The following MVB12B variants were observed in gnomAD, a reference collection of about 807,000 sequenced individuals.
MVB12B encodes multivesicular body subunit 12B.
Under a neutral mutation model 41.6 loss-of-function variants are expected in MVB12B, and 16 were observed. The observed-to-expected ratio is 0.38, with a 90% CI of 0.26 to 0.58. The LOEUF (loss-of-function observed/expected upper bound fraction) is 0.58. MVB12B is among the 20% of genes least tolerant of loss of function. MVB12B has a pLI of 0.62. For missense variants in MVB12B, 274 were observed against 380.2 expected (o/e 0.72, Z 2.32); for synonymous variants, 133 against 139.7 (o/e 0.95, Z 0.34).
intron 1 of MVB12B, among the ~76,000 whole-genome samples, chr9:126,336,968 G>T (rs1829301097): frequency 6.6e-6 from 1 of 152,246 alleles, no homozygotes. Context: ...TCAAGGTCCA[G>T]TCTGAGTCCC....
chr9:126,454,053 G>GCCA (rs1456552571), intron 7 of MVB12B, among the ~76,000 whole-genome samples: 8 of 152,344 alleles, frequency 5.3e-5, no homozygotes, highest in South Asian at 4.1e-4. Context: ...CAGAGTCAGT[G>GCCA]CCACCACCAC....
intron 2 of MVB12B, 28 bp from the exon 3 acceptor site, chr9:126,381,036 A>G (rs917777): frequency 0.61 from 969,548 of 1,594,682 alleles, 297,931 homozygotes; most frequent in African/African-American, 0.79. Flanking sequence ...CCTTACCTGC[A>G]ATCCTTTTCT....
At chr9:126,330,144 C>A (rs912006206) in intron 1 of MVB12B, among the ~76,000 whole-genome samples, 1 of 152,058 alleles carries the variant, frequency 6.6e-6, no homozygotes, top group Non-Finnish European at 1.5e-5. Context: ...ACGCTTCTGG[C>A]GAGATGCAGA....
In MVB12B at chr9:126,409,177, A is replaced by G. The variant is rs199680815; in HGVS notation, c.663-12677A>G. Among the ~76,000 whole-genome samples the G allele has an allele frequency of 7.2e-5, 11 of 152,238 alleles. No individual in the cohort carries two copies. The East Asian group carries it at 1.9e-3, about 27-fold the overall frequency. ...TTAAATTTTAGAATGCTGATTGAAG[A>G]GGCCTGGGTTTTGGTTTTCCTTTGA... On this transcript the variant is annotated intron_variant, in intron 6 of 9. Coordinates refer to ENST00000361171, the MANE Select transcript of MVB12B (RefSeq NM_033446.3).
intron 2 of MVB12B, among the ~76,000 whole-genome samples, chr9:126,378,346 A>C (rs560908759): frequency 6.6e-6 from 1 of 152,304 alleles, no homozygotes; most frequent in East Asian, 1.9e-4. Flanking sequence ...AATTTAGGTT[A>C]TTAGGCACCT....
chr9:126,493,297 G>C (rs1833771951), intron 9 of MVB12B, among the ~76,000 whole-genome samples: 1 of 152,070 alleles, frequency 6.6e-6, no homozygotes, highest in Admixed American at 6.5e-5. Context: ...ACATTAGCCG[G>C]TTTTCTTAAT....
intron 7 of MVB12B, among the ~76,000 whole-genome samples, chr9:126,449,981 G>A (rs1333602492): frequency 6.6e-6 from 1 of 152,210 alleles, no homozygotes; most frequent in East Asian, 1.9e-4. Context: ...TTCCGTAGTA[G>A]GCTTTCTCAC....
intron 7 of MVB12B, among the ~76,000 whole-genome samples, chr9:126,435,504 G>A (rs1222400068): frequency 6.6e-6 from 1 of 152,134 alleles, no homozygotes; most frequent in African/African-American, 2.4e-5. Flanking sequence ...AATTTTCCAT[G>A]TTCCTTTTCA....
At chr9:126,489,047 G>A (rs768673034) in intron 9 of MVB12B, among the ~76,000 whole-genome samples, 22 of 152,228 alleles carry the variant, frequency 1.4e-4, no homozygotes, top group Admixed American at 2.6e-4. Flanking sequence ...CAAACAGGGT[G>A]TCACTTGGTT....
chr9:126,489,674 C>G (rs1019886832), intron 9 of MVB12B, among the ~76,000 whole-genome samples: 20 of 152,300 alleles, frequency 1.3e-4, no homozygotes, highest in African/African-American at 4.3e-4. Context: ...CTGCTGGCTC[C>G]CCATGACAGA....
At chr9:126,335,978 C>T (rs1055520963) in intron 1 of MVB12B, among the ~76,000 whole-genome samples, 3 of 152,274 alleles carry the variant, frequency 2.0e-5, no homozygotes, top group Non-Finnish European at 4.4e-5. Flanking sequence ...TGAGCAGCAG[C>T]GCTGGCTGGC....
At chr9:126,393,324 T>C (rs905759062) in intron 5 of MVB12B, among the ~76,000 whole-genome samples, 2 of 152,234 alleles carry the variant, frequency 1.3e-5, no homozygotes, top group African/African-American at 4.8e-5. Context: ...CTGGCTCCGG[T>C]GCTGGGCTCT....
At chr9:126,498,195 A>T (rs967620389) in intron 9 of MVB12B, among the ~76,000 whole-genome samples, 3 of 152,222 alleles carry the variant, frequency 2.0e-5, no homozygotes, top group Non-Finnish European at 4.4e-5. Context: ...TTTTAGAAAC[A>T]GGAAGAGCCT....
chr9:126,393,599 C>T (rs928148603), intron 5 of MVB12B, among the ~76,000 whole-genome samples: 4 of 152,222 alleles, frequency 2.6e-5, no homozygotes, highest in African/African-American at 4.8e-5. Context: ...GGACAAACCA[C>T]GACTGGTGCT....
At chr9:126,401,825 C>G (rs1271407837) in intron 6 of MVB12B, among the ~76,000 whole-genome samples, 1 of 151,826 alleles carries the variant, frequency 6.6e-6, no homozygotes, top group Non-Finnish European at 1.5e-5. Flanking sequence ...CAGAGTAAGT[C>G]AGCAGTTGGG....
At chr9:126,374,135 C>T (rs1830416540) in intron 2 of MVB12B, among the ~76,000 whole-genome samples, 1 of 152,244 alleles carries the variant, frequency 6.6e-6, no homozygotes, top group South Asian at 2.1e-4. Context: ...TCATCTCCCA[C>T]TCTTACCTTT....
intron 9 of MVB12B, among the ~76,000 whole-genome samples, chr9:126,488,034 C>T (rs761761340): frequency 3.3e-5 from 5 of 152,166 alleles, no homozygotes; most frequent in African/African-American, 4.8e-5. Context: ...CTTCCGCAGC[C>T]GTGGCAAAGG....
chr9:126,348,061 CG>C (rs1362229361), intron 2 of MVB12B, among the ~76,000 whole-genome samples: 1 of 152,214 alleles, frequency 6.6e-6, no homozygotes, highest in African/African-American at 2.4e-5. Context: ...GCTTTGCTAT[CG>C]TGGGGCTACT....
Position 126,340,736 on chromosome 9 carries a change from T to G in MVB12B, c.204+106T>G. The G allele has an allele frequency of 2.9e-6, 4 of 1,356,652 alleles. No homozygotes were observed. The South Asian group carries it at 5.4e-5, about 18-fold the overall frequency. The allele number at this position is 1,356,652 out of a possible 1,614,324, so 84.0% of individuals were successfully genotyped here. On this transcript the variant is annotated intron_variant, in intron 2 of 9. Coordinates refer to ENST00000361171, the MANE Select transcript of MVB12B (RefSeq NM_033446.3). The surrounding 1 kb of genome is among the most constrained non-coding windows in gnomAD (Gnocchi z 4.0). ...TTGCGTGTAAGATGTGCTTCTTCCC[T>G]CTAGGAACTTAATCCAGGGAGGGCG...
Sources: gnomAD v4.1 joint callset for allele counts (sites outside exome capture counted in the v4.1 genomes callset) on GRCh38, gnomAD v4.1.1 for gene constraint, Gnocchi (gnomAD v3.1) non-coding constraint, MANE v1.5 for transcripts, NCBI Gene and HGNC (gene_info 2026-07-23, HGNC 2026-07-21) for gene names.